The following RAG2 variants were observed in gnomAD, a reference collection of about 807,000 sequenced individuals.
RAG2 encodes the protein recombination activating 2.
A neutral mutation model predicts 31.8 loss-of-function variants in RAG2; 16 were observed. The observed-to-expected ratio is 0.50, with a 90% CI of 0.34 to 0.76. RAG2 has a LOEUF of 0.76. Ranked by LOEUF, RAG2 falls within the 30% of genes least tolerant of loss-of-function variation. The probability of loss-of-function intolerance (pLI) is 0.01; values close to 1 mark genes in which losing one functional copy is unlikely to be tolerated. For synonymous variants in RAG2, 199 were observed against 215.9 expected (o/e 0.92, Z 0.68); for missense variants, 622 against 628.5 (o/e 0.99, Z 0.11).
Position 36,593,194 on chromosome 11 carries a change from TC to T in RAG2, c.974del (p.Gly325GlufsTer24). ...CTCCTGGTATGCCAAGAAAAACAGT[TC>T]CATTTCCCATGTTGCTTCCAAACCA... ...KIWFGSNMGNGTVFLGIPGDN... is the reference protein window; with the variant it reads ...KIWFGSNMGNXTVFLGIPGDN... On this transcript the variant is annotated frameshift_variant, in exon 2 of 2. Transcript: ENST00000311485. LOFTEE classifies it high-confidence loss of function. 6.2e-7 allele frequency: 1 copy of T among 1,614,182 alleles called. No homozygotes were observed. Among genetic ancestry groups the T allele is most frequent in the African/African-American group, 1.3e-5 (1 of 75,040 alleles).
At position 36,594,097 on chromosome 11, in the gene RAG2, A is replaced by G; in HGVS notation, c.72T>C (p.Phe24=). 2 of 1,614,102 alleles carry G rather than the reference A, an allele frequency of 1.2e-6. No individual in the cohort carries two copies. The highest frequency in any genetic ancestry group is 1.7e-6 in the Non-Finnish European group (2 of 1,180,008). ...LIQPGFSLMN[F]DGQVFFFGQK... is the part of the protein sequence containing the mutation. ...GTCCAAAGAAGAAAACTTGTCCATC[A>G]AAATTCATCAGTGAGAAGCCTGGCT... is the stretch of plus-strand genomic sequence containing the variant. The change falls in exon 2 of 2, where the codon TTT becomes TTC. Residue 24 remains phenylalanine (F), a synonymous_variant. Transcript: ENST00000311485.
chr11:36,596,440 A>G (rs1157671243), intron 1 of RAG2, among the ~76,000 whole-genome samples: 2 of 152,130 alleles, frequency 1.3e-5, no homozygotes, highest in African/African-American at 4.8e-5. Flanking sequence ...TCAGTTGTAT[A>G]TTCAGCAAAC....
At chr11:36,595,796 A>G (rs1479023661) in intron 1 of RAG2, among the ~76,000 whole-genome samples, 3 of 152,282 alleles carry the variant, frequency 2.0e-5, no homozygotes, top group African/African-American at 2.4e-5. Context: ...AATAAGGTCT[A>G]GTGCATACGC....
At chr11:36,594,397 T>C in intron 1 of RAG2, 1 of 583,678 alleles carries the variant, frequency 1.7e-6, no homozygotes, top group Non-Finnish European at 3.0e-6. Context: ...GGACATGTTT[T>C]AGCCACGGAC....
rs1459767586 is a variant in RAG2 at position 36,593,648 on chromosome 11, C to T, written c.521G>A (p.Ser174Asn). 1 of 1,614,088 alleles carries T rather than the reference C, an allele frequency of 6.2e-7. No homozygotes were observed. Among genetic ancestry groups the T allele is most frequent in the Non-Finnish European group, 8.5e-7 (1 of 1,180,046 alleles). The stretch of plus-strand genomic sequence containing the variant: ...AACACAGGGCAGGCAGTCAGCTACA[C>T]TATTCCATTTTTCTGTGGTTCTGTG... ...STHRTTEKWN[S>N]VADCLPCVFL... Residue 174 changes from serine (S) to asparagine (N), a missense_variant, in exon 2 of 2, where the codon AGT (serine) becomes AAT (asparagine). Coordinates refer to ENST00000311485, the MANE Select transcript of RAG2 (RefSeq NM_000536.4).
Position 36,592,726 on chromosome 11 carries a change from A to G in RAG2, c.1443T>C (p.His481=), listed in dbSNP as rs560115611. The G allele has an allele frequency of 2.4e-5, 39 of 1,605,764 alleles. No homozygotes were observed. In the East Asian group the frequency reaches 5.8e-4, roughly 24 times the overall value. Residue 481 remains histidine (H), a synonymous_variant, in exon 2 of 2, where the codon CAT becomes CAC. Coordinates refer to ENST00000311485, the MANE Select transcript of RAG2 (RefSeq NM_000536.4). The stretch of plus-strand genomic sequence containing the variant: ...TGTGTAGAGCTCTTGCTATCTCCAC[A>G]TGCTCATTGCAGTAATACTTGTTGC... ...AGSNKYYCNE[H]VEIARALHTP...
Position 36,592,860 on chromosome 11 carries a change from C to T in RAG2, c.1309G>A (p.Glu437Lys), listed in dbSNP as rs193922573. Reference protein sequence around the residue: ...INTWVPFYSTELNKPAMIYCS... With the variant: ...INTWVPFYSTKLNKPAMIYCS... ...TAGATCATGGCGGGTTTGTTGAGCTCAGTTGAATAGAATGGTACCCAAGTG... is the reference window on the plus strand; with the variant it reads ...TAGATCATGGCGGGTTTGTTGAGCTTAGTTGAATAGAATGGTACCCAAGTG... Residue 437 changes from glutamate (E) to lysine (K), a missense_variant, in exon 2 of 2, where the codon GAG (glutamate) becomes AAG (lysine). Transcript: ENST00000311485. 12 of 1,613,962 alleles carry T rather than the reference C, an allele frequency of 7.4e-6. No homozygotes were observed. Among genetic ancestry groups the T allele is most frequent in the Non-Finnish European group, 2.5e-6 (3 of 1,180,028 alleles).
Position 36,593,006 on chromosome 11 carries a change from G to A in RAG2, c.1163C>T (p.Ala388Val). ...FEDSEEFCFS[A>V]EANSFDGDDE... ...ATCACCATCAAAACTATTTGCTTCT[G>A]CACTGAAACAAAATTCTTCAGAGTC... Residue 388 changes from alanine (A) to valine (V), a missense_variant, in exon 2 of 2, where the codon GCA becomes GTA. Transcript: ENST00000311485. 2 of 1,614,080 alleles carry A rather than the reference G, an allele frequency of 1.2e-6. No individual in the cohort carries two copies. The highest frequency in any genetic ancestry group is 8.5e-7 in the Non-Finnish European group (1 of 1,180,010).
At position 36,593,971 on chromosome 11, in the gene RAG2, G is replaced by C; in HGVS notation, c.198C>G (p.Ser66=). 6.2e-7 allele frequency: 1 copy of C among 1,614,184 alleles called. No homozygotes were observed. The highest frequency in any genetic ancestry group is 1.6e-4 in the Middle Eastern group (1 of 6,062). The part of the protein sequence containing the change: ...KLKPTIFSKD[S]CYLPPLRYPA... Reference sequence around the variant, plus strand: ...GGTAGCGAAGAGGAGGGAGGTAGCAGGAATCCTTAGAGAAAATTGTAGGCT... The same window carrying C: ...GGTAGCGAAGAGGAGGGAGGTAGCACGAATCCTTAGAGAAAATTGTAGGCT... The change falls in exon 2 of 2, where the codon TCC becomes TCG. Residue 66 remains serine (S), a synonymous_variant. Coordinates refer to ENST00000311485, the MANE Select transcript of RAG2 (RefSeq NM_000536.4).
downstream of RAG2, among the ~76,000 whole-genome samples, chr11:36,591,373 G>A (rs1208116726): frequency 1.3e-5 from 2 of 150,864 alleles, no homozygotes; most frequent in Admixed American, 6.6e-5. Flanking sequence ...CTGTAACTGT[G>A]GCTGAAGCTC....
At chr11:36,598,059 T>C (rs1851350864) in intron 1 of RAG2, 43 bp downstream of exon 1, 1 of 152,006 alleles carries the variant, frequency 6.6e-6, no homozygotes, top group Non-Finnish European at 1.5e-5. Context: ...TAACATAGGC[T>C]CCCATTTTTT....
In RAG2 at chr11:36,593,822, T is replaced by A. The variant is rs756799907; in HGVS notation, c.347A>T (p.Asn116Ile). The stretch of plus-strand genomic sequence containing the variant: ...GCAGCGAAAAGTAACCTTTTTGTTG[T>A]TCTTGCAAACAATAGACATGACATA... Reference protein sequence around the residue: ...KIYVMSIVCKNNKKVTFRCTE... With the variant: ...KIYVMSIVCKINKKVTFRCTE... The change falls in exon 2 of 2, where the codon AAC becomes ATC. Residue 116 changes from asparagine to isoleucine, a missense_variant. Transcript: ENST00000311485. 1 of 1,614,118 alleles carries A rather than the reference T, an allele frequency of 6.2e-7. No individual in the cohort carries two copies. The highest frequency in any genetic ancestry group is 1.3e-5 in the African/African-American group (1 of 74,936).
At chr11:36,597,548 G>C (rs1047431196) in intron 1 of RAG2, 1 of 152,160 alleles carries the variant, frequency 6.6e-6, no homozygotes, top group Non-Finnish European at 1.5e-5. Context: ...TATTCTCTCT[G>C]ATGCTAGGGC....
chr11:36,592,623 G>T lies in RAG2; in HGVS notation c.1546C>A (p.Pro516Thr). The change falls in exon 2 of 2, where the codon CCT becomes ACT. Residue 516 changes from proline to threonine, a missense_variant. Pro to Thr is a conservative substitution (Grantham distance 38, BLOSUM62 -1). Transcript: ENST00000311485. Reference sequence around the variant, plus strand: ...CTTCTAAGAAAGGATTTCTTGGCAGGAGTCAAGATTTTTCCAGAACCTTTT... The same window carrying T: ...CTTCTAAGAAAGGATTTCTTGGCAGTAGTCAAGATTTTTCCAGAACCTTTT... ...RKKGSGKILT[P>T]AKKSFLRRLF... The T allele has an allele frequency of 6.2e-7, 1 of 1,614,118 alleles. No individual in the cohort carries two copies.
At position 36,594,146 on chromosome 11, in the gene RAG2, A is replaced by G; in HGVS notation, c.23T>C (p.Val8Ala). 6.2e-7 allele frequency: 1 copy of G among 1,612,798 alleles called. No individual in the cohort carries two copies. Among genetic ancestry groups the G allele is most frequent in the Non-Finnish European group, 8.5e-7 (1 of 1,178,792 alleles). Residue 8 changes from valine (V) to alanine (A), a missense_variant, in exon 2 of 2, where the codon GTC becomes GCC. By Grantham distance (64) the Val-to-Ala change is moderately conservative. Transcript: ENST00000311485. ...CTGAATTAAGGCTATGTTATTACTG[A>G]CTGTTACCATCTGCAGAGACATAGT... MSLQMVTVSNNIALIQPG... is the reference protein window; with the variant it reads MSLQMVTASNNIALIQPG...
rs121917894 is a variant in RAG2, at chr11:36,593,483, C to T, written c.686G>A (p.Arg229Gln). The T allele has an allele frequency of 2.1e-5, 34 of 1,613,866 alleles. No individual in the cohort carries two copies. Among genetic ancestry groups the T allele is most frequent in the African/African-American group, 4.0e-5 (3 of 74,970 alleles). Residue 229 changes from arginine (R) to glutamine (Q), a missense_variant, in exon 2 of 2, where the codon CGG becomes CAG. Coordinates refer to ENST00000311485, the MANE Select transcript of RAG2 (RefSeq NM_000536.4). ...LGGHSLANNI[R>Q]PANLYRIRVD... ...CCTTATTCTGTACAGGTTGGCAGGC[C>T]GGATATTATTGGCAAGTGAATGTCC... is the stretch of plus-strand genomic sequence containing the variant.
intron 1 of RAG2, among the ~76,000 whole-genome samples, chr11:36,596,981 C>T (rs1417798543): frequency 6.6e-6 from 1 of 152,074 alleles, no homozygotes; most frequent in Admixed American, 6.5e-5. Flanking sequence ...ACCTGTTTTC[C>T]CTTTGATGCT....
Position 36,593,288 on chromosome 11 carries a change from T to C in RAG2, c.881A>G (p.Asp294Gly). The C allele has an allele frequency of 1.2e-6, 2 of 1,614,178 alleles. No homozygotes were observed. Among genetic ancestry groups the C allele is most frequent in the Non-Finnish European group, 1.7e-6 (2 of 1,180,018 alleles). The change falls in exon 2 of 2, where the codon GAC becomes GGC. Residue 294 changes from aspartate to glycine, a missense_variant. Asp to Gly is a moderately conservative substitution (Grantham distance 94). Coordinates refer to ENST00000311485, the MANE Select transcript of RAG2 (RefSeq NM_000536.4). ...CATCTCACGAATTTCTATCTTGTTG[T>C]CCTCTAAAGAGATGATGTTGCAGAT... ...RMICNIISLEDNKIEIREMET... is the reference protein window; with the variant it reads ...RMICNIISLEGNKIEIREMET...
rs757841294 is a variant in RAG2 at position 36,592,638 on chromosome 11, C to T, written c.1531G>A (p.Gly511Arg). ...PMKSLRKKGSGKILTPAKKSF... is the reference protein window; with the variant it reads ...PMKSLRKKGSRKILTPAKKSF... ...TTCTTGGCAGGAGTCAAGATTTTTC[C>T]AGAACCTTTTTTACGGAGGGATTTC... The change falls in exon 2 of 2, where the codon GGA becomes AGA. Residue 511 changes from glycine (G) to arginine (R), a missense_variant. Transcript: ENST00000311485. The T allele has an allele frequency of 6.2e-7, 1 of 1,614,058 alleles. No homozygotes were observed. Among genetic ancestry groups the T allele is most frequent in the Non-Finnish European group, 8.5e-7 (1 of 1,179,996 alleles).
Sources: gnomAD v4.1 joint callset for allele counts (sites outside exome capture counted in the v4.1 genomes callset) on GRCh38, gnomAD v4.1.1 for gene constraint, MANE v1.5 for transcripts, NCBI Gene and HGNC (gene_info 2026-07-23, HGNC 2026-07-21) for gene names.